PRAG1: variants seen among roughly 807,000 people sequenced by gnomAD.
PRAG1 encodes the protein PEAK1 related, kinase-activating pseudokinase 1.
A neutral mutation model predicts 95.6 loss-of-function variants in PRAG1; 110 were observed. That is an observed-to-expected ratio of 1.15 (90% CI 0.99 to 1.35). The LOEUF is 1.35. Among genes scored for constraint, PRAG1 ranks in the 40% most tolerant of loss-of-function variants. The pLI is 0.00. For synonymous variants in PRAG1, 1,052 were observed against 819.4 expected, an observed-to-expected ratio of 1.28 and a Z score of -4.85; for missense variants, 2,554 against 1,864.7, an observed-to-expected ratio of 1.37 and a Z score of -6.81.
intron 3 of PRAG1, among the ~76,000 whole-genome samples, chr8:8,373,454 A>ATTGTTTTTTTTTGTTT (rs1470559658): frequency 7.2e-6 from 1 of 138,342 alleles, no homozygotes; most frequent in African/African-American, 2.8e-5. Context: ...TATTTTCTAG[A>ATTGTTTTTTTTTGTTT]TTTTTTTTTT....
At position 8,377,370 on chromosome 8, in the gene PRAG1, TGCC is replaced by T; in HGVS notation, c.1036_1038del (p.Gly346del). On this transcript the variant is annotated inframe_deletion, in exon 3 of 6. Transcript: ENST00000615670. ...CTACTGGCGCCGCTGCCGCTGCCGC[TGCC>T]GCTGCCACAAGAGAGGCCGTCGGAA... 1 of 1,594,820 alleles carries T rather than the reference TGCC, an allele frequency of 6.3e-7. No homozygotes were observed. The highest frequency in any genetic ancestry group is 8.5e-7 in the Non-Finnish European group (1 of 1,171,630).
At chr8:8,356,278 G>A (rs1258152325) in intron 3 of PRAG1, among the ~76,000 whole-genome samples, 2 of 152,224 alleles carry the variant, frequency 1.3e-5, no homozygotes, top group Non-Finnish European at 2.9e-5. Context: ...AAATGTGGGT[G>A]AGGGTGTGAA....
intron 3 of PRAG1, among the ~76,000 whole-genome samples, chr8:8,358,369 G>A (rs1799745908): frequency 6.6e-6 from 1 of 152,102 alleles, no homozygotes; most frequent in Admixed American, 6.6e-5. Flanking sequence ...AGGTTTTTAT[G>A]GAGGCCTCAT....
intron 3 of PRAG1, among the ~76,000 whole-genome samples, chr8:8,345,092 T>TGTGTGTGTGTGTGTG (rs1491425198): frequency 2.3e-4 from 29 of 124,912 alleles, no homozygotes; most frequent in African/African-American, 3.4e-4. Context: ...TGTGTGTGTG[T>TGTGTGTGTGTGTGTG]TAGGGAGGAA....
In PRAG1 at chr8:8,377,162, C is replaced by A. The variant is rs1800438174; in HGVS notation, c.1247G>T (p.Ser416Ile). ...ATQPEPIYAE[S>I]TKRKKAAPVP... Reference sequence around the variant, plus strand: ...CGGAGCTGCCTTCTTCCTCTTGGTGCTCTCAGCATAGATGGGTTCAGGCTG... The same window carrying A: ...CGGAGCTGCCTTCTTCCTCTTGGTGATCTCAGCATAGATGGGTTCAGGCTG... Residue 416 changes from serine (S) to isoleucine (I), a missense_variant, in exon 3 of 6, where the codon AGC (serine) becomes ATC (isoleucine). Physicochemically the swap from Ser to Ile is moderately radical, Grantham distance 142. Transcript: ENST00000615670. 4.3e-6 allele frequency: 7 copies of A among 1,611,774 alleles called. No individual in the cohort carries two copies. Among genetic ancestry groups the A allele is most frequent in the Non-Finnish European group, 5.1e-6 (6 of 1,179,796 alleles).
In PRAG1 at chr8:8,319,654, C is replaced by T. The variant is rs896396337; in HGVS notation, c.3073-352G>A. 4.6e-5 allele frequency among the ~76,000 whole-genome samples: 7 copies of T among 152,074 alleles called. No homozygotes were observed. In the East Asian group the frequency reaches 7.7e-4, roughly 17 times the overall value. On this transcript the variant is annotated intron_variant, in intron 5 of 5. Transcript: ENST00000615670. ...CTGCCAAAATGTATGTAATAAAGGA[C>T]TTGTTTCTGGAATTTGTATTAAAAA...
At position 8,327,727 on chromosome 8, in the gene PRAG1, T is replaced by C. The variant is rs1478499916; in HGVS notation, c.3055A>G (p.Ser1019Gly). 6.2e-7 allele frequency: 1 copy of C among 1,613,400 alleles called. No individual in the cohort carries two copies. The highest frequency in any genetic ancestry group is 8.5e-7 in the Non-Finnish European group (1 of 1,179,464). Residue 1019 changes from serine (S) to glycine (G), a missense_variant, in exon 5 of 6, where the codon AGC (serine) becomes GGC (glycine). Coordinates refer to ENST00000615670, the MANE Select transcript of PRAG1 (RefSeq NM_001080826.3). ...GTACCTACTTTCACAGCATAGGTGC[T>C]GCCGGGGTCCTCAGAGCAGGTGGCA... ...YCATCSEDPG[S>G]TYAVKICKAP... is the part of the protein sequence containing the mutation.
intron 3 of PRAG1, among the ~76,000 whole-genome samples, chr8:8,371,407 C>T (rs1431421206): frequency 6.6e-6 from 1 of 151,852 alleles, no homozygotes; most frequent in Admixed American, 6.5e-5. Context: ...ACTACTGGCG[C>T]CCGCCATCAC....
In PRAG1 at chr8:8,319,884, C is replaced by A. The variant is rs188001607; in HGVS notation, c.3073-582G>T. 1.1e-4 allele frequency among the ~76,000 whole-genome samples: 16 copies of A among 152,272 alleles called. No homozygotes were observed. The East Asian group carries it at 2.9e-3, about 28-fold the overall frequency. On this transcript the variant is annotated intron_variant, in intron 5 of 5. Coordinates refer to ENST00000615670, the MANE Select transcript of PRAG1 (RefSeq NM_001080826.3). ...TCATCAGGCAAGTGCAAATCAAAAC[C>A]ACAGTGAGATATCAGTTCACGCCCA...
chr8:8,377,856 C>T lies in PRAG1; in HGVS notation c.553G>A (p.Glu185Lys), dbSNP rs974370204. The T allele has an allele frequency of 1.6e-5, 26 of 1,614,040 alleles. No homozygotes were observed. Among genetic ancestry groups the T allele is most frequent in the South Asian group, 2.2e-5 (2 of 91,090 alleles). The change falls in exon 3 of 6, where the codon GAG (glutamate) becomes AAG (lysine). Residue 185 changes from glutamate (E) to lysine (K), a missense_variant. By Grantham distance (56) the Glu-to-Lys change is moderately conservative. Transcript: ENST00000615670. ...IAFHPVSFPE[E>K]KAVHKEKPSF... is the part of the protein sequence containing the mutation. ...GGTTTTTCTTTGTGCACAGCCTTCTCCTCCGGGAAGCTCACCGGGTGGAAG... is the reference window on the plus strand; with the variant it reads ...GGTTTTTCTTTGTGCACAGCCTTCTTCTCCGGGAAGCTCACCGGGTGGAAG...
At chr8:8,335,339 A>G (rs1278909752) in intron 4 of PRAG1, among the ~76,000 whole-genome samples, 2 of 152,216 alleles carry the variant, frequency 1.3e-5, no homozygotes, top group Non-Finnish European at 2.9e-5. Flanking sequence ...CAGCAATTTC[A>G]AAAAATGAGG....
chr8:8,375,017 C>T (rs4840948), intron 3 of PRAG1, among the ~76,000 whole-genome samples: 53,157 of 151,194 alleles, frequency 0.35, 9,832 homozygotes, highest in East Asian at 0.64. Context: ...AAATCAGTTT[C>T]GCTCTAATCG....
At chr8:8,340,514 C>A (rs375981232) in intron 3 of PRAG1, among the ~76,000 whole-genome samples, 2 of 152,244 alleles carry the variant, frequency 1.3e-5, no homozygotes, top group African/African-American at 2.4e-5. Context: ...TTTGTCTGAA[C>A]TGATATTTCC....
rs1585279643 is a variant in PRAG1 at position 8,377,802 on chromosome 8, T to G, written c.607A>C (p.Thr203Pro). The change falls in exon 3 of 6, where the codon ACC (threonine) becomes CCC (proline). Residue 203 changes from threonine (T) to proline (P), a missense_variant. By Grantham distance (38) the Thr-to-Pro change is conservative. Transcript: ENST00000615670. Reference protein sequence around the residue: ...PSFPYQDRPSTQESFRQKLAA... With the variant: ...PSFPYQDRPSPQESFRQKLAA... ...AGTTTCTGGCGGAAGCTCTCCTGGGTGGAGGGCCGGTCTTGGTAAGGAAAT... is the reference window on the plus strand; with the variant it reads ...AGTTTCTGGCGGAAGCTCTCCTGGGGGGAGGGCCGGTCTTGGTAAGGAAAT... 1 of 1,613,954 alleles carries G rather than the reference T, an allele frequency of 6.2e-7. No individual in the cohort carries two copies. The highest frequency in any genetic ancestry group is 8.5e-7 in the Non-Finnish European group (1 of 1,180,028).
intron 4 of PRAG1, 83 bp from the exon 5 acceptor site, chr8:8,328,544 ATT>A: frequency 7.1e-7 from 1 of 1,398,604 alleles, no homozygotes; most frequent in Non-Finnish European, 9.6e-7. Context: ...CCCTTTATTT[ATT>A]TATTTATTTG....
intron 3 of PRAG1, among the ~76,000 whole-genome samples, chr8:8,366,950 G>T (rs1318157551): frequency 6.6e-6 from 1 of 152,126 alleles, no homozygotes; most frequent in African/African-American, 2.4e-5. Context: ...TAGGATTACA[G>T]GTATGAGCCA....
rs368439052 is a variant in PRAG1 at position 8,318,703 on chromosome 8, C to T, written c.3672G>A (p.Pro1224=). ...ISNFLKAKQK[P]GGTPNLQQKK... ...TCTGCTGCAGGTTTGGGGTGCCGCC[C>T]GGCTTCTGCTTGGCCTTCAAAAAGT... The change falls in exon 6 of 6, where the codon CCG becomes CCA. Residue 1224 remains proline (P), a synonymous_variant. Transcript: ENST00000615670. This position sits in a 1 kb window ranked among gnomAD's most constrained non-coding sequence, Gnocchi z 4.2. The T allele has an allele frequency of 6.0e-5, 96 of 1,609,826 alleles. 1 individual carries two copies. Among genetic ancestry groups the T allele is most frequent in the Admixed American group, 3.3e-5 (2 of 59,934 alleles).
Position 8,348,079 on chromosome 8 carries a change from G to A in PRAG1, c.2163-8444C>T, listed in dbSNP as rs527314972. Among the ~76,000 whole-genome samples, 5 of 152,270 alleles carry A rather than the reference G, an allele frequency of 3.3e-5. No individual in the cohort carries two copies. The East Asian group carries it at 7.7e-4, about 24-fold the overall frequency. ...CTACAGGTGCATGCCACCACACCCG[G>A]TTAAGTTTTGTATTTTTAAGAGACA... On this transcript the variant is annotated intron_variant, in intron 3 of 5. Coordinates refer to ENST00000615670, the MANE Select transcript of PRAG1 (RefSeq NM_001080826.3).
At chr8:8,348,272 C>G (rs1385735378) in intron 3 of PRAG1, among the ~76,000 whole-genome samples, 1 of 152,180 alleles carries the variant, frequency 6.6e-6, no homozygotes, top group Non-Finnish European at 1.5e-5. Flanking sequence ...GACTCAAAAT[C>G]TTTGTAAAAT....
Sources: allele counts gnomAD v4.1 joint callset (sites outside exome capture counted in the v4.1 genomes callset), GRCh38; gene constraint gnomAD v4.1.1; non-coding constraint Gnocchi (gnomAD v3.1); transcripts MANE v1.5; gene names NCBI Gene and HGNC (gene_info 2026-07-23, HGNC 2026-07-21).